C16orf96: variants seen among roughly 807,000 people sequenced by gnomAD.
C16orf96 encodes uncharacterized protein C16orf96.
Under a neutral mutation model 103.6 loss-of-function variants are expected in C16orf96, and 108 were observed. The observed-to-expected ratio is 1.04, with a 90% CI of 0.89 to 1.22. The LOEUF (loss-of-function observed/expected upper bound fraction) is 1.22. Ranked by LOEUF, C16orf96 falls within the 50% of genes most tolerant of loss-of-function variation. The probability of loss-of-function intolerance (pLI) is 0.00; values close to 1 mark genes in which losing one functional copy is unlikely to be tolerated. For missense variants in C16orf96, 1,586 were observed against 1,464.2 expected (o/e 1.08, Z -1.36); for synonymous variants, 566 against 593.5 (o/e 0.95, Z 0.67).
At chr16:4,581,494 G>A (rs146014112) in intron 7 of C16orf96, among the ~76,000 whole-genome samples, 4,446 of 151,804 alleles carry the variant, frequency 0.029, 237 homozygotes, top group African/African-American at 0.1. Context: ...TTAGCCGGGC[G>A]TGGTGGCTGG....
At chr16:4,596,297 C>A (rs1897170534) in intron 14 of C16orf96, among the ~76,000 whole-genome samples, 2 of 151,988 alleles carry the variant, frequency 1.3e-5, no homozygotes, top group African/African-American at 4.8e-5. Flanking sequence ...CTAGCCTGAA[C>A]AACATGGTGA....
the C16orf96 span, among the ~76,000 whole-genome samples, chr16:4,550,172 C>T: frequency 7.3e-5 from 11 of 151,710 alleles, no homozygotes; most frequent in African/African-American, 2.4e-4. Context: ...GCAACCTCTG[C>T]CTCTCGGGCT....
chr16:4,553,298 G>A (rs1192691323), upstream of C16orf96, among the ~76,000 whole-genome samples: 1 of 152,216 alleles, frequency 6.6e-6, no homozygotes, highest in African/African-American at 2.4e-5. Context: ...AATTCAGAAG[G>A]CGTTTTCCTG....
intron 1 of C16orf96, among the ~76,000 whole-genome samples, chr16:4,565,791 G>A (rs931683846): frequency 6.6e-6 from 1 of 152,078 alleles, no homozygotes; most frequent in African/African-American, 2.4e-5. Flanking sequence ...ACCCAGCCTC[G>A]TTTCTACCTT....
chr16:4,560,159 A>ATATGTTTGTTTTTGAGAT (rs2059313159), intron 1 of C16orf96: 7 of 152,090 alleles, frequency 4.6e-5, no homozygotes, highest in Admixed American at 4.6e-4. Context: ...CTGGAAATAC[A>ATATGTTTGTTTTTGAGAT]GGTGCGCGCC....
chr16:4,587,545 A>AG (rs1384612397), intron 8 of C16orf96, among the ~76,000 whole-genome samples: 13 of 72,510 alleles, frequency 1.8e-4, no homozygotes, highest in South Asian at 4.6e-4. Flanking sequence ...AAAAAAAAAA[A>AG]AAAGAAAGAA....
At chr16:4,568,116 G>A (rs1245051571) in intron 1 of C16orf96, among the ~76,000 whole-genome samples, 2 of 152,016 alleles carry the variant, frequency 1.3e-5, no homozygotes, top group Non-Finnish European at 2.9e-5. Context: ...TGTTGCCCAG[G>A]CTGGTCTGGA....
chr16:4,577,385 C>G (rs761251041), intron 5 of C16orf96, among the ~76,000 whole-genome samples: 1 of 152,198 alleles, frequency 6.6e-6, no homozygotes, highest in African/African-American at 2.4e-5. Flanking sequence ...TAAACACTAG[C>G]TGTGTGCGGT....
At chr16:4,583,252 G>A (rs1279837741) in intron 7 of C16orf96, among the ~76,000 whole-genome samples, 1 of 151,830 alleles carries the variant, frequency 6.6e-6, no homozygotes, top group Non-Finnish European at 1.5e-5. Flanking sequence ...AAAAATCTCA[G>A]CACTTTGGGA....
chr16:4,569,325 A>C (rs1184439756), intron 1 of C16orf96, among the ~76,000 whole-genome samples: 1 of 152,120 alleles, frequency 6.6e-6, no homozygotes, highest in Non-Finnish European at 1.5e-5. Context: ...GTCTCAAACT[A>C]TTCTTGTTAA....
upstream of C16orf96, among the ~76,000 whole-genome samples, chr16:4,554,002 G>A (rs941514329): frequency 3.9e-5 from 6 of 152,118 alleles, no homozygotes; most frequent in African/African-American, 9.7e-5. Flanking sequence ...CAGGAATGTG[G>A]GATCACAGTG....
rs547290183 is a variant in C16orf96, at chr16:4,577,300, G to A, written c.2155+665G>A. 5.9e-5 allele frequency among the ~76,000 whole-genome samples: 9 copies of A among 152,342 alleles called. No homozygotes were observed. The South Asian group carries it at 1.7e-3, about 28-fold the overall frequency. On this transcript the variant is annotated intron_variant, in intron 5 of 15. Transcript: ENST00000444310. The stretch of plus-strand genomic sequence containing the variant: ...TAATCTTAGCACTTTGGGAGGCCAA[G>A]GCAGGAAGACTGCTTGAACTGGAAG...
At chr16:4,558,537 A>C (rs1270803774) in intron 1 of C16orf96, among the ~76,000 whole-genome samples, 1 of 152,022 alleles carries the variant, frequency 6.6e-6, no homozygotes, top group African/African-American at 2.4e-5. Flanking sequence ...ACTTAACCCC[A>C]GGAGTTGGAA....
intron 1 of C16orf96, among the ~76,000 whole-genome samples, chr16:4,557,278 G>A (rs1436923070): frequency 2.6e-5 from 4 of 151,864 alleles, no homozygotes; most frequent in Admixed American, 6.6e-5. Context: ...CCTTCTCCTG[G>A]GACATCTTGT....
At chr16:4,545,572 C>T in the C16orf96 span, among the ~76,000 whole-genome samples, 15 of 152,236 alleles carry the variant, frequency 9.9e-5, no homozygotes, top group South Asian at 3.1e-3. Flanking sequence ...TCACAACCCC[C>T]ATCATCCTCC....
upstream of C16orf96, among the ~76,000 whole-genome samples, chr16:4,554,074 C>T (rs903312065): frequency 8.5e-5 from 13 of 152,136 alleles, no homozygotes; most frequent in African/African-American, 3.1e-4. Context: ...CAGACTTTCC[C>T]AGGAGACAAG....
Position 4,575,224 on chromosome 16 carries a change from A to G in C16orf96, c.744A>G (p.Pro248=), listed in dbSNP as rs376258492. The change falls in exon 5 of 16, where the codon CCA becomes CCG. Residue 248 remains proline (P), a synonymous_variant. Transcript: ENST00000444310. ...TGTGGCAGTCTGTAGAGCAGCTCCC[A>G]GAGGCTGCCCTGGCCCAGACCACCA... ...LDLWQSVEQL[P]EAALAQTTKY... is the part of the protein sequence containing the mutation. 1 of 1,548,028 alleles carries G rather than the reference A, an allele frequency of 6.5e-7. No homozygotes were observed. Among genetic ancestry groups the G allele is most frequent in the Admixed American group, 2.0e-5 (1 of 50,988 alleles).
intron 2 of C16orf96, among the ~76,000 whole-genome samples, chr16:4,573,862 C>G (rs560348290): frequency 1.3e-5 from 2 of 152,026 alleles, no homozygotes; most frequent in Non-Finnish European, 2.9e-5. Flanking sequence ...GAGACGGAGT[C>G]TCTCTCTGTC....
intron 1 of C16orf96, among the ~76,000 whole-genome samples, chr16:4,557,117 A>G (rs2059273824): frequency 6.6e-6 from 1 of 152,088 alleles, no homozygotes; most frequent in Non-Finnish European, 1.5e-5. Flanking sequence ...TTTCAGGCAC[A>G]TGCCACCACA....
Sources: allele counts gnomAD v4.1 joint callset (sites outside exome capture counted in the v4.1 genomes callset), GRCh38; gene constraint gnomAD v4.1.1; transcripts MANE v1.5; gene names NCBI Gene and HGNC (gene_info 2026-07-23, HGNC 2026-07-21).